The following NELL1 variants were observed in gnomAD, a reference collection of about 807,000 sequenced individuals.
The protein encoded by NELL1 is neural EGFL like 1, also known as protein kinase C-binding protein NELL1.
Under a neutral mutation model 107.4 loss-of-function variants are expected in NELL1, and 76 were observed. That is an observed-to-expected ratio of 0.71 (90% confidence interval 0.59 to 0.86). NELL1 has a LOEUF of 0.86. Among genes scored for constraint, NELL1 ranks in the 40% least tolerant of loss-of-function variants. The probability of loss-of-function intolerance (pLI) is 0.00; values close to 1 mark genes in which losing one functional copy is unlikely to be tolerated. For missense variants in NELL1, 1,024 were observed against 1,005.5 expected, an observed-to-expected ratio of 1.02 and a Z score of -0.25; for synonymous variants, 353 against 341.2, an observed-to-expected ratio of 1.03 and a Z score of -0.38.
intron 13 of NELL1, among the ~76,000 whole-genome samples, chr11:21,182,682 G>A (rs888141401): frequency 6.6e-6 from 1 of 151,628 alleles, no homozygotes; most frequent in Non-Finnish European, 1.5e-5. Context: ...GGAAGAGGTT[G>A]GAATTATTAA....
intron 13 of NELL1, among the ~76,000 whole-genome samples, chr11:21,216,555 C>T (rs1451918590): frequency 6.6e-6 from 1 of 152,208 alleles, no homozygotes; most frequent in African/African-American, 2.4e-5. Context: ...ACCATGGCAG[C>T]CCACCTCTTG....
At chr11:21,228,873 T>C (rs374069766) in intron 13 of NELL1, among the ~76,000 whole-genome samples, 2 of 151,606 alleles carry the variant, frequency 1.3e-5, no homozygotes, top group African/African-American at 4.9e-5. Context: ...CTTCTGCACA[T>C]TGTACAATGC....
At chr11:21,496,555 G>T (rs558838445) in intron 15 of NELL1, among the ~76,000 whole-genome samples, 2 of 151,474 alleles carry the variant, frequency 1.3e-5, no homozygotes, top group Non-Finnish European at 2.9e-5. Context: ...GACTACAGGC[G>T]CGTGCCACCA....
At chr11:20,687,204 CTTA>C (rs1435073248) in intron 2 of NELL1, among the ~76,000 whole-genome samples, 1 of 151,362 alleles carries the variant, frequency 6.6e-6, no homozygotes. Flanking sequence ...GAGATTTTTT[CTTA>C]TTATTTAATT....
At chr11:21,489,626 G>T (rs1034425594) in intron 15 of NELL1, among the ~76,000 whole-genome samples, 2 of 152,016 alleles carry the variant, frequency 1.3e-5, no homozygotes, top group Non-Finnish European at 2.9e-5. Context: ...CACCAGGACT[G>T]CAAGGATGAT....
chr11:21,375,191 C>T (rs561201831), intron 15 of NELL1, among the ~76,000 whole-genome samples: 2 of 152,076 alleles, frequency 1.3e-5, no homozygotes, highest in African/African-American at 2.4e-5. Flanking sequence ...GTTAGTTTTT[C>T]AGCCTTTGCC....
chr11:21,335,472 G>C (rs928228900), intron 14 of NELL1, among the ~76,000 whole-genome samples: 1 of 152,002 alleles, frequency 6.6e-6, no homozygotes, highest in African/African-American at 2.4e-5. Flanking sequence ...AATAATAATC[G>C]TGTGGCTCAA....
At chr11:21,518,598 A>G (rs1354050645) in intron 15 of NELL1, among the ~76,000 whole-genome samples, 1 of 152,228 alleles carries the variant, frequency 6.6e-6, no homozygotes. Flanking sequence ...TCTTAAGTTC[A>G]TAAAGCAACT....
chr11:21,548,464 G>A (rs990188588), intron 16 of NELL1, among the ~76,000 whole-genome samples: 13 of 151,846 alleles, frequency 8.6e-5, no homozygotes, highest in Non-Finnish European at 4.4e-5. Context: ...AAGGCAGAAG[G>A]CACATCTTAC....
At chr11:21,012,670 T>C (rs1852473264) in intron 12 of NELL1, among the ~76,000 whole-genome samples, 1 of 152,094 alleles carries the variant, frequency 6.6e-6, no homozygotes, top group African/African-American at 2.4e-5. Context: ...TTAAAGATAG[T>C]CTGGTGGGCA....
chr11:20,670,982 C>T (rs1853891117), intron 1 of NELL1, among the ~76,000 whole-genome samples: 1 of 152,254 alleles, frequency 6.6e-6, no homozygotes. Flanking sequence ...CCCTCTTTGG[C>T]AGTTAGCCCG....
At chr11:21,469,221 G>A (rs1324274816) in intron 15 of NELL1, among the ~76,000 whole-genome samples, 1 of 151,964 alleles carries the variant, frequency 6.6e-6, no homozygotes, top group East Asian at 1.9e-4. Context: ...TCTAAGTAGA[G>A]TAGGACGACT....
chr11:21,010,949 T>C (rs1245036824), intron 12 of NELL1, among the ~76,000 whole-genome samples: 1 of 152,124 alleles, frequency 6.6e-6, no homozygotes, highest in Non-Finnish European at 1.5e-5. Flanking sequence ...GACTTCCTTC[T>C]GCTTAGTAAA....
At chr11:21,014,092 G>A (rs1852511852) in intron 12 of NELL1, among the ~76,000 whole-genome samples, 1 of 152,086 alleles carries the variant, frequency 6.6e-6, no homozygotes, top group East Asian at 1.9e-4. Flanking sequence ...TTTGGCAAAT[G>A]GAGGCTGTTT....
intron 5 of NELL1, among the ~76,000 whole-genome samples, chr11:20,914,592 A>G (rs1233277467): frequency 1.3e-5 from 2 of 152,056 alleles, no homozygotes; most frequent in Non-Finnish European, 2.9e-5. Context: ...GGTTTAATGA[A>G]GCATGTTCAA....
chr11:21,449,859 T>C (rs1219337149), intron 15 of NELL1, among the ~76,000 whole-genome samples: 1 of 152,204 alleles, frequency 6.6e-6, no homozygotes, highest in Non-Finnish European at 1.5e-5. Context: ...ACATCACTTG[T>C]CCCTATATAA....
chr11:21,233,485 A>G (rs2133889174), intron 14 of NELL1, among the ~76,000 whole-genome samples: 1 of 152,070 alleles, frequency 6.6e-6, no homozygotes, highest in Non-Finnish European at 1.5e-5. Context: ...CACACATTGT[A>G]TTCTAACTAG....
At chr11:21,170,004 A>G in intron 13 of NELL1, 1 of 1,267,840 alleles carries the variant, frequency 7.9e-7, no homozygotes, top group Non-Finnish European at 1.2e-6. Context: ...CAGGCTTTTG[A>G]GCACTCAGAT....
intron 13 of NELL1, among the ~76,000 whole-genome samples, chr11:21,224,456 A>G (rs1246351304): frequency 6.6e-6 from 1 of 151,676 alleles, no homozygotes; most frequent in Admixed American, 6.6e-5. Flanking sequence ...TCAAACTCCA[A>G]GCTATCCTCC....
Sources: allele counts gnomAD v4.1 joint callset (sites outside exome capture counted in the v4.1 genomes callset), GRCh38; gene constraint gnomAD v4.1.1; transcripts MANE v1.5; gene names NCBI Gene and HGNC (gene_info 2026-07-23, HGNC 2026-07-21).